The following ANKRD30BL variants were observed in gnomAD, a reference collection of about 807,000 sequenced individuals.
ANKRD30BL encodes ankyrin repeat domain 30B like.
ANKRD30BL carries 20 observed loss-of-function variants against 18.4 expected under a neutral mutation model. The observed-to-expected ratio is 1.09, with a 90% CI of 0.77 to 1.58. ANKRD30BL has a LOEUF of 1.58. Among genes scored for constraint, ANKRD30BL ranks in the 40% most tolerant of loss-of-function variants. The pLI, the probability that ANKRD30BL is intolerant of heterozygous loss-of-function variation, is 0.00. For missense variants in ANKRD30BL, 224 were observed against 268.6 expected (o/e 0.83, Z 1.16); for synonymous variants, 72 against 100.9 (o/e 0.71, Z 1.72).
chr2:132,241,610 T>C (rs796612304), intron 1 of ANKRD30BL, among the ~76,000 whole-genome samples: 3 of 151,854 alleles, frequency 2.0e-5, no homozygotes, highest in South Asian at 2.1e-4. Context: ...ACAGCAGTTT[T>C]GAATCACTCT....
rs536526040 is a variant in ANKRD30BL, at chr2:132,244,897, C to T, written n.441+12632G>A. ...AGTATCTGCAAGTGGACATTTGGAG[C>T]GCTTTGAGGCCTATGGTGAAAAAGG... On this transcript the variant is annotated intron_variant and non_coding_transcript_variant, in intron 1 of 4. Transcript: ENST00000470729. Among the ~76,000 whole-genome samples the T allele has an allele frequency of 4.4e-3, 669 of 151,562 alleles. 2 individuals are homozygous for T. Among genetic ancestry groups the T allele is most frequent in the Non-Finnish European group, 7.4e-3 (502 of 67,718 alleles).
At chr2:132,216,166 G>T (rs191375186) in intron 1 of ANKRD30BL, among the ~76,000 whole-genome samples, 1 of 151,918 alleles carries the variant, frequency 6.6e-6, no homozygotes, top group Non-Finnish European at 1.5e-5. Context: ...TGTGGCATAT[G>T]GTGGAAAAGG....
chr2:132,194,773 T>C (rs1047136597), intron 1 of ANKRD30BL, among the ~76,000 whole-genome samples: 11 of 152,308 alleles, frequency 7.2e-5, no homozygotes, highest in Admixed American at 2.0e-4. Context: ...TCAGATAAGA[T>C]GAAAAATGAC....
At chr2:132,157,211 T>C in intron 2 of ANKRD30BL, 65 bp from the exon 3 acceptor site, 1 of 1,188,114 alleles carries the variant, frequency 8.4e-7, no homozygotes, top group African/African-American at 1.6e-5. Context: ...ATTCCACAGG[T>C]TTCACAAACC....
intron 1 of ANKRD30BL, among the ~76,000 whole-genome samples, chr2:132,180,848 G>A (rs1038884331): frequency 1.4e-4 from 22 of 152,158 alleles, no homozygotes; most frequent in African/African-American, 5.1e-4. Context: ...CTTGATTAAC[G>A]TTATAAAGTG....
At chr2:132,221,483 C>A (rs1274089527) in intron 1 of ANKRD30BL, among the ~76,000 whole-genome samples, 2 of 128,988 alleles carry the variant, frequency 1.6e-5, no homozygotes, top group African/African-American at 3.6e-5. Flanking sequence ...TCTGCCTGGC[C>A]GCCCCTACTG....
chr2:132,230,168 CTTCT>C (rs1446705078), intron 1 of ANKRD30BL, among the ~76,000 whole-genome samples: 1 of 151,972 alleles, frequency 6.6e-6, no homozygotes, highest in African/African-American at 2.4e-5. Context: ...TTCTCAGAAA[CTTCT>C]TTGTGATGTT....
At chr2:132,159,132 CTGTAGTCTGTGTGTA>C (rs1687990562) in intron 1 of ANKRD30BL, among the ~76,000 whole-genome samples, 1 of 152,026 alleles carries the variant, frequency 6.6e-6, no homozygotes, top group South Asian at 2.1e-4. Context: ...TAACACAAGA[CTGTAGTCTGTGTGTA>C]TGTATAATCA....
At chr2:132,248,643 G>A (rs77968579) in intron 1 of ANKRD30BL, among the ~76,000 whole-genome samples, 14 of 151,932 alleles carry the variant, frequency 9.2e-5, no homozygotes, top group South Asian at 4.2e-4. Context: ...ACCTCAAGCC[G>A]CTCACAAATA....
intron 1 of ANKRD30BL, among the ~76,000 whole-genome samples, chr2:132,245,898 G>T (rs117978508): frequency 1.3e-5 from 2 of 149,848 alleles, no homozygotes; most frequent in Non-Finnish European, 3.0e-5. Flanking sequence ...ACTCTTTTTG[G>T]AGTATTTGAA....
chr2:132,244,898 G>A (rs555181252), intron 1 of ANKRD30BL, among the ~76,000 whole-genome samples: 9 of 152,272 alleles, frequency 5.9e-5, no homozygotes, highest in South Asian at 4.1e-4. Context: ...CATTTGGAGC[G>A]CTTTGAGGCC....
intron 3 of ANKRD30BL, chr2:132,155,970 C>A (rs917939204): frequency 6.6e-6 from 1 of 151,696 alleles, no homozygotes; most frequent in African/African-American, 2.4e-5. Flanking sequence ...TAATGATACT[C>A]CTAGGATCCT....
At chr2:132,171,049 C>G (rs1278352832) in intron 1 of ANKRD30BL, among the ~76,000 whole-genome samples, 2 of 150,954 alleles carry the variant, frequency 1.3e-5, no homozygotes, top group African/African-American at 4.9e-5. Context: ...CCAGCTACTC[C>G]GGAGGCTGAG....
At chr2:132,161,379 C>T in intron 1 of ANKRD30BL, 109 bp downstream of exon 1, 1 of 1,116,098 alleles carries the variant, frequency 9.0e-7, no homozygotes, top group Non-Finnish European at 1.3e-6. Context: ...CCCGCCACTC[C>T]TCCACCTGCT....
At chr2:132,227,930 A>C (rs1016483499) in intron 1 of ANKRD30BL, among the ~76,000 whole-genome samples, 4 of 152,108 alleles carry the variant, frequency 2.6e-5, no homozygotes, top group African/African-American at 9.7e-5. Flanking sequence ...CTCACATAAA[A>C]TCTAGACAGA....
At chr2:132,249,946 C>A (rs1010000847) in intron 1 of ANKRD30BL, among the ~76,000 whole-genome samples, 25 of 152,084 alleles carry the variant, frequency 1.6e-4, no homozygotes, top group African/African-American at 5.5e-4. Flanking sequence ...CATCACAAAG[C>A]AGTTTATCAT....
intron 1 of ANKRD30BL, among the ~76,000 whole-genome samples, chr2:132,202,418 C>T (rs1381096460): frequency 6.6e-6 from 1 of 151,518 alleles, no homozygotes; most frequent in Non-Finnish European, 1.5e-5. Flanking sequence ...CTCATAAAGA[C>T]ACTTCATTTT....
At position 132,238,285 on chromosome 2, in the gene ANKRD30BL, T is replaced by C. The variant is rs545667174; in HGVS notation, n.441+19244A>G. Among the ~76,000 whole-genome samples the C allele has an allele frequency of 2.0e-5, 3 of 152,076 alleles. No individual in the cohort carries two copies. The South Asian group carries it at 6.2e-4, about 31-fold the overall frequency. The stretch of plus-strand genomic sequence containing the variant: ...TATTAGGACAGCATTTGGATTTCTT[T>C]GGAAACAGGAATGTCTTCACATAAA... On this transcript the variant is annotated intron_variant and non_coding_transcript_variant, in intron 1 of 4. Coordinates refer to the ANKRD30BL transcript ENST00000470729.
intron 1 of ANKRD30BL, among the ~76,000 whole-genome samples, chr2:132,217,721 A>T (rs1679547956): frequency 6.6e-6 from 1 of 152,286 alleles, no homozygotes; most frequent in Admixed American, 6.5e-5. Flanking sequence ...TTTTTGTAGA[A>T]TCTGCATGTG....
Sources: gnomAD v4.1 joint callset for allele counts (sites outside exome capture counted in the v4.1 genomes callset) on GRCh38, gnomAD v4.1.1 for gene constraint, MANE v1.5 for transcripts, NCBI Gene and HGNC (gene_info 2026-07-23, HGNC 2026-07-21) for gene names.